NTM: variants seen among roughly 807,000 people sequenced by gnomAD.
NTM encodes IgLON family member 2.
A neutral mutation model predicts 42.1 loss-of-function variants in NTM; 13 were observed. The ratio of observed to expected loss-of-function variants is 0.31; its 90% confidence interval spans 0.20 to 0.49. NTM has a LOEUF of 0.49. Ranked by LOEUF, NTM falls within the 20% of genes least tolerant of loss-of-function variation. The pLI, the probability that NTM is intolerant of heterozygous loss-of-function variation, is 0.99. For missense variants in NTM, 373 were observed against 452.8 expected, an observed-to-expected ratio of 0.82 and a Z score of 1.60; for synonymous variants, 187 against 179.2, an observed-to-expected ratio of 1.04 and a Z score of -0.35.
intron 1 of NTM, among the ~76,000 whole-genome samples, chr11:131,506,343 A>G (rs2047490243): frequency 1.3e-5 from 2 of 152,150 alleles, no homozygotes; most frequent in South Asian, 4.1e-4. Flanking sequence ...ATAACACTCC[A>G]AATGCTGGTG....
chr11:132,013,993 T>C (rs1284856086), intron 2 of NTM, among the ~76,000 whole-genome samples: 3 of 151,806 alleles, frequency 2.0e-5, no homozygotes, highest in African/African-American at 7.2e-5. Context: ...ATATCGTATG[T>C]CCTTATTTTT....
At chr11:131,893,625 T>C (rs900393073) in intron 1 of NTM, among the ~76,000 whole-genome samples, 4 of 152,184 alleles carry the variant, frequency 2.6e-5, no homozygotes, top group Non-Finnish European at 4.4e-5. Context: ...AGCTTTAAAA[T>C]ATCTTTCTCC....
At position 132,001,628 on chromosome 11, in the gene NTM, T is replaced by C. The variant is rs566673696; in HGVS notation, c.167+89980T>C. Among the ~76,000 whole-genome samples the C allele has an allele frequency of 2.0e-5, 3 of 152,214 alleles. No homozygotes were observed. The South Asian group carries it at 6.2e-4, about 32-fold the overall frequency. On this transcript the variant is annotated intron_variant, in intron 2 of 8. Coordinates refer to ENST00000683400, the MANE Select transcript of NTM (RefSeq NM_001352005.2). ...TACCATACCCCAACAACAGATCTCA[T>C]GAGGACAGCCCGAAGCTCTGAGGGA...
At chr11:132,182,873 T>G (rs1236557345) in intron 3 of NTM, among the ~76,000 whole-genome samples, 1 of 152,226 alleles carries the variant, frequency 6.6e-6, no homozygotes, top group Non-Finnish European at 1.5e-5. Flanking sequence ...CACCTCATTT[T>G]CCAACATTTT....
intron 1 of NTM, among the ~76,000 whole-genome samples, chr11:131,774,852 A>G (rs10791164): frequency 0.14 from 20,769 of 152,210 alleles, 1,629 homozygotes; most frequent in East Asian, 0.23. Flanking sequence ...AACTGCTGAG[A>G]GAACCTCAGG....
chr11:131,984,374 C>G (rs1204892543), intron 2 of NTM: 1 of 152,182 alleles, frequency 6.6e-6, no homozygotes, highest in Non-Finnish European at 1.5e-5. Flanking sequence ...AAAATGGAAG[C>G]ATTGAAGATA....
chr11:132,217,745 C>G lies in NTM; in HGVS notation c.526+5598C>G, dbSNP rs139134894. Among the ~76,000 whole-genome samples the G allele has an allele frequency of 2.4e-4, 36 of 152,124 alleles. No homozygotes were observed. The East Asian group carries it at 6.8e-3, about 29-fold the overall frequency. ...TTTCTACTTGAAGAGGTCCAGTGGA[C>G]ATTTGACTGCCCTGTTTCTTTTTTC... On this transcript the variant is annotated intron_variant, in intron 4 of 8. Coordinates refer to ENST00000683400, the MANE Select transcript of NTM (RefSeq NM_001352005.2).
At chr11:131,528,554 G>A (rs888966322) in intron 1 of NTM, among the ~76,000 whole-genome samples, 4 of 152,124 alleles carry the variant, frequency 2.6e-5, no homozygotes, top group Admixed American at 1.3e-4. Flanking sequence ...CAGCTATCCC[G>A]GTGCCCATGA....
At chr11:131,474,114 T>C (rs1952694570) in intron 1 of NTM, among the ~76,000 whole-genome samples, 1 of 152,230 alleles carries the variant, frequency 6.6e-6, no homozygotes, top group African/African-American at 2.4e-5. Flanking sequence ...GTCTTACTTT[T>C]TCATTGAAAT....
chr11:131,964,097 A>G (rs2062540628), intron 2 of NTM, among the ~76,000 whole-genome samples: 2 of 152,214 alleles, frequency 1.3e-5, no homozygotes, highest in South Asian at 4.1e-4. Context: ...TTTCTAAGCC[A>G]GACCAAAGGG....
intron 1 of NTM, among the ~76,000 whole-genome samples, chr11:131,882,123 T>C (rs1395759948): frequency 6.6e-6 from 1 of 152,194 alleles, no homozygotes; most frequent in Non-Finnish European, 1.5e-5. Flanking sequence ...TGTACATTAG[T>C]CAGAATTATC....
At chr11:132,026,538 T>A (rs1012300781) in intron 2 of NTM, among the ~76,000 whole-genome samples, 1 of 152,240 alleles carries the variant, frequency 6.6e-6, no homozygotes, top group African/African-American at 2.4e-5. Flanking sequence ...TTCCTTCTAC[T>A]GGTTTTTTAT....
At chr11:132,149,136 A>T (rs1049150736) in intron 3 of NTM, among the ~76,000 whole-genome samples, 3 of 150,198 alleles carry the variant, frequency 2.0e-5, no homozygotes, top group Non-Finnish European at 3.0e-5. Flanking sequence ...TTCAGAGCCA[A>T]ACTGACCCCC....
At chr11:132,285,142 G>A (rs917414568) in intron 4 of NTM, 2 of 152,492 alleles carry the variant, frequency 1.3e-5, no homozygotes, top group Non-Finnish European at 2.9e-5. Context: ...TTCCCACCTG[G>A]ACTCCCCCTC....
chr11:132,036,982 C>T (rs143965160), intron 2 of NTM, among the ~76,000 whole-genome samples: 3 of 152,214 alleles, frequency 2.0e-5, no homozygotes, highest in Non-Finnish European at 4.4e-5. Flanking sequence ...AGTGTTTCCA[C>T]TGAGTTGTGT....
chr11:132,271,056 A>G (rs2093453564), intron 4 of NTM, among the ~76,000 whole-genome samples: 1 of 152,166 alleles, frequency 6.6e-6, no homozygotes, highest in Non-Finnish European at 1.5e-5. Context: ...TACCTTTTGT[A>G]AGTGACCTTC....
At chr11:131,633,660 T>C (rs12222134) in intron 1 of NTM, among the ~76,000 whole-genome samples, 1 of 129,268 alleles carries the variant, frequency 7.7e-6, no homozygotes, top group Non-Finnish European at 1.6e-5. Context: ...TCTCTCCCTC[T>C]CTCTCCCTCT....
At chr11:131,931,976 G>A (rs1289878061) in intron 2 of NTM, among the ~76,000 whole-genome samples, 1 of 152,214 alleles carries the variant, frequency 6.6e-6, no homozygotes, top group Admixed American at 6.5e-5. Context: ...TCCCACCACG[G>A]CGGTGCCTCG....
intron 1 of NTM, among the ~76,000 whole-genome samples, chr11:131,567,483 G>T (rs2137054835): frequency 1.3e-5 from 2 of 152,114 alleles, no homozygotes; most frequent in Non-Finnish European, 2.9e-5. Context: ...GCAAGAATCT[G>T]TCTGAAAAAA....
Sources: allele counts gnomAD v4.1 joint callset (sites outside exome capture counted in the v4.1 genomes callset), GRCh38; gene constraint gnomAD v4.1.1; transcripts MANE v1.5; gene names NCBI Gene and HGNC (gene_info 2026-07-23, HGNC 2026-07-21).